Variants in NRXN3 observed in about 807,000 individuals in gnomAD.
NRXN3 encodes the protein neurexin 3.
Under a neutral mutation model 137.6 loss-of-function variants are expected in NRXN3, and 32 were observed. The observed-to-expected ratio is 0.23, with a 90% CI of 0.18 to 0.31. The LOEUF (loss-of-function observed/expected upper bound fraction) is 0.31. Among genes scored for constraint, NRXN3 ranks in the 10% least tolerant of loss-of-function variants. NRXN3 has a pLI of 1.00. For missense variants in NRXN3, 1,574 were observed against 2,062.5 expected (o/e 0.76, Z 4.59); for synonymous variants, 798 against 784.5 (o/e 1.02, Z -0.29).
At chr14:79,201,178 T>C (rs2065948486) in intron 15 of NRXN3, 1 of 152,132 alleles carries the variant, frequency 6.6e-6, no homozygotes, top group African/African-American at 2.4e-5. Context: ...GATGACCCTT[T>C]TGGGAACAAC....
intron 15 of NRXN3, among the ~76,000 whole-genome samples, chr14:79,428,069 T>G (rs150686833): frequency 6.6e-6 from 1 of 152,160 alleles, no homozygotes; most frequent in East Asian, 1.9e-4. Flanking sequence ...ATTTAATAAG[T>G]CTTATGATAC....
intron 15 of NRXN3, among the ~76,000 whole-genome samples, chr14:78,999,346 A>G (rs2099536838): frequency 6.6e-6 from 1 of 152,204 alleles, no homozygotes; most frequent in Non-Finnish European, 1.5e-5. Context: ...GGAAAAAAAC[A>G]TGCTTAATTT....
intron 17 of NRXN3, among the ~76,000 whole-genome samples, chr14:79,682,632 T>C (rs2098676284): frequency 6.6e-6 from 1 of 152,166 alleles, no homozygotes; most frequent in African/African-American, 2.4e-5. Flanking sequence ...ATCGATACTC[T>C]CTGATGCTTG....
intron 10 of NRXN3, among the ~76,000 whole-genome samples, chr14:78,831,347 C>A (rs1440427413): frequency 6.6e-6 from 1 of 151,836 alleles, no homozygotes; most frequent in Non-Finnish European, 1.5e-5. Flanking sequence ...ACCAGCCTGG[C>A]CAAGATGGTG....
At chr14:78,218,089 T>C (rs1383222564) in intron 1 of NRXN3, among the ~76,000 whole-genome samples, 2 of 152,270 alleles carry the variant, frequency 1.3e-5, no homozygotes, top group African/African-American at 4.8e-5. Flanking sequence ...TATACTTATG[T>C]GATTTCTTTT....
chr14:78,778,810 T>TTCTTTCTC (rs1555490057), intron 8 of NRXN3, among the ~76,000 whole-genome samples: 6 of 144,196 alleles, frequency 4.2e-5, no homozygotes, highest in African/African-American at 1.3e-4. Context: ...CTTTCTTTCT[T>TTCTTTCTC]TCTTTCTTTC....
At chr14:78,379,243 A>C (rs576039122) in intron 4 of NRXN3, among the ~76,000 whole-genome samples, 50 of 152,268 alleles carry the variant, frequency 3.3e-4, no homozygotes, top group African/African-American at 9.9e-4. Context: ...AAAAGGAGAA[A>C]TCTCTTCCCT....
At chr14:79,554,030 G>A (rs532759039) in intron 16 of NRXN3, among the ~76,000 whole-genome samples, 1 of 152,160 alleles carries the variant, frequency 6.6e-6, no homozygotes, top group Admixed American at 6.6e-5. Context: ...CCCAGGAAAG[G>A]TCAGTTGTAA....
chr14:79,441,676 G>A (rs2095961347), intron 15 of NRXN3, among the ~76,000 whole-genome samples: 1 of 151,682 alleles, frequency 6.6e-6, no homozygotes. Context: ...CACCACACCC[G>A]ACCGACAAAC....
intron 1 of NRXN3, among the ~76,000 whole-genome samples, chr14:78,218,368 T>TC (rs1463964925): frequency 2.6e-5 from 4 of 152,100 alleles, no homozygotes; most frequent in Admixed American, 6.6e-5. Context: ...TCTTTTTTTT[T>TC]CCCAAAGTCT....
chr14:79,337,658 T>C (rs2092352007), intron 15 of NRXN3, among the ~76,000 whole-genome samples: 1 of 152,146 alleles, frequency 6.6e-6, no homozygotes, highest in South Asian at 2.1e-4. Flanking sequence ...ACGTAGCCAA[T>C]CTCTTTGGAA....
intron 15 of NRXN3, among the ~76,000 whole-genome samples, chr14:78,991,584 C>T (rs1440391382): frequency 6.6e-6 from 1 of 152,086 alleles, no homozygotes; most frequent in Non-Finnish European, 1.5e-5. Context: ...TACTACATAT[C>T]CAAAAACTGA....
intron 16 of NRXN3, among the ~76,000 whole-genome samples, chr14:79,525,151 G>T (rs981620969): frequency 6.6e-6 from 1 of 152,148 alleles, no homozygotes; most frequent in East Asian, 1.9e-4. Flanking sequence ...TAGCATTGGG[G>T]AAGAATGGGA....
At chr14:79,376,214 GTATATATATATATA>G (rs1159913935) in intron 15 of NRXN3, among the ~76,000 whole-genome samples, 7,439 of 70,974 alleles carry the variant, frequency 0.1, 511 homozygotes, top group Non-Finnish European at 0.11. Context: ...GTGTGTGTAT[GTATATATATATATA>G]TATATATATA....
At chr14:79,843,690 G>C (rs758943985) in intron 20 of NRXN3, among the ~76,000 whole-genome samples, 5 of 152,150 alleles carry the variant, frequency 3.3e-5, no homozygotes, top group Non-Finnish European at 7.4e-5. Flanking sequence ...TTCACCAGGA[G>C]ATTACTTCTT....
intron 10 of NRXN3, among the ~76,000 whole-genome samples, chr14:78,916,115 A>C (rs1567694099): frequency 6.6e-6 from 1 of 152,030 alleles, no homozygotes; most frequent in Non-Finnish European, 1.5e-5. Flanking sequence ...GATAGCCTTG[A>C]GAATATATTT....
intron 4 of NRXN3, among the ~76,000 whole-genome samples, chr14:78,519,380 C>G (rs936412469): frequency 6.6e-6 from 1 of 152,026 alleles, no homozygotes; most frequent in African/African-American, 2.4e-5. Flanking sequence ...GATGTGTGCA[C>G]GAGAAAAATG....
At chr14:78,665,889 A>C (rs758457731) in intron 6 of NRXN3, among the ~76,000 whole-genome samples, 1 of 152,120 alleles carries the variant, frequency 6.6e-6, no homozygotes, top group Non-Finnish European at 1.5e-5. Context: ...TATCAAGCTT[A>C]TCTCTGCCTC....
At chr14:78,453,288 C>T (rs940688799) in intron 4 of NRXN3, among the ~76,000 whole-genome samples, 3 of 152,222 alleles carry the variant, frequency 2.0e-5, no homozygotes, top group African/African-American at 7.2e-5. Flanking sequence ...ATGGAACTCT[C>T]TTCCTCCCTG....
Sources: allele counts gnomAD v4.1 joint callset (sites outside exome capture counted in the v4.1 genomes callset), GRCh38; gene constraint gnomAD v4.1.1; transcripts MANE v1.5; gene names NCBI Gene and HGNC (gene_info 2026-07-23, HGNC 2026-07-21).